The following CDH13 variants were observed in gnomAD, a reference collection of about 807,000 sequenced individuals.
CDH13 encodes the protein cadherin-13.
In CDH13, 24 loss-of-function variants were observed where a neutral mutation model predicts 63.8. The ratio of observed to expected loss-of-function variants is 0.38; its 90% CI spans 0.27 to 0.53. The LOEUF is 0.53. CDH13 is among the 20% of genes least tolerant of loss of function. The probability of loss-of-function intolerance (pLI) is 0.85; values close to 1 mark genes in which losing one functional copy is unlikely to be tolerated. For missense variants in CDH13, 1,049 were observed against 903.1 expected (o/e 1.16, Z -2.07); for synonymous variants, 503 against 355.3 (o/e 1.42, Z -4.67).
chr16:83,025,778 T>C (rs1439471312), intron 2 of CDH13, among the ~76,000 whole-genome samples: 1 of 152,164 alleles, frequency 6.6e-6, no homozygotes, highest in Non-Finnish European at 1.5e-5. Flanking sequence ...CCTCTACTCT[T>C]TTCCAGGAAT....
At chr16:82,645,132 G>A (rs1909937402) in intron 1 of CDH13, among the ~76,000 whole-genome samples, 1 of 152,236 alleles carries the variant, frequency 6.6e-6, no homozygotes, top group Non-Finnish European at 1.5e-5. Flanking sequence ...CTGAAAACAA[G>A]CTCCTAGGAT....
intron 4 of CDH13, among the ~76,000 whole-genome samples, chr16:83,153,275 G>C (rs528606343): frequency 5.3e-5 from 8 of 152,106 alleles, no homozygotes; most frequent in African/African-American, 1.9e-4. Context: ...CACTGAGTCA[G>C]TTCCTGAGTT....
chr16:83,595,088 C>T (rs1328822611), intron 7 of CDH13, among the ~76,000 whole-genome samples: 1 of 152,210 alleles, frequency 6.6e-6, no homozygotes, highest in East Asian at 1.9e-4. Context: ...CAGCTTGACT[C>T]TCTTAGATAT....
At chr16:83,495,314 G>T (rs903493247) in intron 7 of CDH13, among the ~76,000 whole-genome samples, 1 of 152,166 alleles carries the variant, frequency 6.6e-6, no homozygotes, top group Non-Finnish European at 1.5e-5. Flanking sequence ...GTTATAGGTG[G>T]ATTCAAATAT....
intron 8 of CDH13, among the ~76,000 whole-genome samples, chr16:83,634,068 A>G (rs1395704817): frequency 6.6e-6 from 1 of 151,914 alleles, no homozygotes; most frequent in Non-Finnish European, 1.5e-5. Context: ...TGTGGGCACA[A>G]TACTATTAAC....
chr16:83,487,270 T>C (rs1164541608), intron 7 of CDH13, among the ~76,000 whole-genome samples: 1 of 152,240 alleles, frequency 6.6e-6, no homozygotes, highest in African/African-American at 2.4e-5. Flanking sequence ...TTTTACAGCT[T>C]TTAGAATTAG....
At chr16:82,978,259 A>G (rs954131010) in intron 2 of CDH13, among the ~76,000 whole-genome samples, 2 of 152,236 alleles carry the variant, frequency 1.3e-5, no homozygotes, top group Admixed American at 6.5e-5. Context: ...AAGTTCAGAA[A>G]ATTTGTAGCC....
intron 5 of CDH13, among the ~76,000 whole-genome samples, chr16:83,291,691 C>T (rs1264069330): frequency 6.6e-6 from 1 of 152,052 alleles, no homozygotes; most frequent in Non-Finnish European, 1.5e-5. Context: ...GCTAATAACT[C>T]AAAACCGGTG....
intron 6 of CDH13, among the ~76,000 whole-genome samples, chr16:83,476,026 T>C (rs570193225): frequency 6.6e-6 from 1 of 152,364 alleles, no homozygotes; most frequent in Non-Finnish European, 1.5e-5. Flanking sequence ...ATTATTTACC[T>C]GCTTCCTACT....
At chr16:82,654,800 A>G (rs1467254347) in intron 1 of CDH13, among the ~76,000 whole-genome samples, 3 of 152,060 alleles carry the variant, frequency 2.0e-5, no homozygotes, top group Admixed American at 6.6e-5. Flanking sequence ...CTCAGGTTAT[A>G]GTATTAACCA....
chr16:83,527,131 A>AG (rs1491370034), intron 7 of CDH13, among the ~76,000 whole-genome samples: 7 of 31,452 alleles, frequency 2.2e-4, no homozygotes, highest in African/African-American at 5.9e-4. Context: ...ACTCTGTCTC[A>AG]AAAAAAAAAA....
At chr16:82,667,543 C>T (rs1207808255) in intron 1 of CDH13, among the ~76,000 whole-genome samples, 2 of 152,104 alleles carry the variant, frequency 1.3e-5, no homozygotes, top group South Asian at 2.1e-4. Context: ...GGCTCCTCTA[C>T]CGAGTTAAGA....
chr16:82,880,433 C>T (rs1018122359), intron 2 of CDH13, among the ~76,000 whole-genome samples: 16 of 152,298 alleles, frequency 1.1e-4, no homozygotes, highest in African/African-American at 3.8e-4. Context: ...GGGCCTTCAT[C>T]TAATTCATAC....
At chr16:82,831,491 T>G (rs760799053) in intron 1 of CDH13, among the ~76,000 whole-genome samples, 8 of 152,094 alleles carry the variant, frequency 5.3e-5, no homozygotes, top group African/African-American at 9.7e-5. Context: ...CCAAAATCTT[T>G]CAAGTAATGA....
intron 7 of CDH13, among the ~76,000 whole-genome samples, chr16:83,520,367 A>C (rs1229585905): frequency 6.6e-6 from 1 of 152,194 alleles, no homozygotes; most frequent in East Asian, 1.9e-4. Flanking sequence ...CCTTGCAGAG[A>C]TGGCAGTTAG....
intron 7 of CDH13, among the ~76,000 whole-genome samples, chr16:83,511,758 GC>G (rs1318794979): frequency 6.6e-6 from 1 of 152,154 alleles, no homozygotes; most frequent in Non-Finnish European, 1.5e-5. Flanking sequence ...AATGGAAGGG[GC>G]AAAGGTAGGA....
chr16:83,794,758 C>T (rs184904403), intron 13 of CDH13, among the ~76,000 whole-genome samples: 5 of 152,044 alleles, frequency 3.3e-5, no homozygotes, highest in East Asian at 3.9e-4. Flanking sequence ...TCATTGGTAA[C>T]GGTGGTAATA....
chr16:83,289,849 A>G (rs531845906), intron 5 of CDH13, among the ~76,000 whole-genome samples: 3 of 152,332 alleles, frequency 2.0e-5, no homozygotes, highest in East Asian at 3.9e-4. Context: ...TTATGTAACC[A>G]TTAAAACAAT....
In CDH13 at chr16:83,550,878, G is replaced by C. The variant is rs146159475; in HGVS notation, c.961-51576G>C. On this transcript the variant is annotated intron_variant, in intron 7 of 13. Coordinates refer to ENST00000567109, the MANE Select transcript of CDH13 (RefSeq NM_001257.5). Reference sequence around the variant, plus strand: ...CTAACCTCTCAGGTTAGAAATCTAAGTTGCCTTGCATTCCTCCCTCTCTCT... The same window carrying C: ...CTAACCTCTCAGGTTAGAAATCTAACTTGCCTTGCATTCCTCCCTCTCTCT... Among the ~76,000 whole-genome samples the C allele has an allele frequency of 4.6e-5, 7 of 152,122 alleles. No individual in the cohort carries two copies. In the Middle Eastern group the frequency reaches 0.01, roughly 222 times the overall value.
Sources: allele counts gnomAD v4.1 joint callset (sites outside exome capture counted in the v4.1 genomes callset), GRCh38; gene constraint gnomAD v4.1.1; transcripts MANE v1.5; gene names NCBI Gene and HGNC (gene_info 2026-07-23, HGNC 2026-07-21).